Variants in CLDN16 observed in about 807,000 individuals in gnomAD.
CLDN16 encodes the protein claudin-16.
A neutral mutation model predicts 24.6 loss-of-function variants in CLDN16; 13 were observed. The ratio of observed to expected loss-of-function variants is 0.53; its 90% CI spans 0.34 to 0.84. The LOEUF (loss-of-function observed/expected upper bound fraction) is 0.84. CLDN16 is among the 40% of genes least tolerant of loss of function. CLDN16 has a pLI of 0.01. For missense variants in CLDN16, 298 were observed against 292.7 expected, an observed-to-expected ratio of 1.02 and a Z score of -0.13; for synonymous variants, 116 against 106.7, an observed-to-expected ratio of 1.09 and a Z score of -0.54.
At chr3:190,306,881 A>G in the CLDN16 span, 3 of 152,698 alleles carry the variant, frequency 2.0e-5, no homozygotes, top group African/African-American at 7.2e-5. Flanking sequence ...TGGTAGAGAG[A>G]GGAAGGCACT....
intron 1 of CLDN16, among the ~76,000 whole-genome samples, chr3:190,361,664 G>T (rs575012609): frequency 6.6e-6 from 1 of 152,004 alleles, no homozygotes; most frequent in African/African-American, 2.4e-5. Context: ...AGAAAGTGAG[G>T]GCAAAAGAGT....
chr3:190,386,735 T>C (rs11708474), upstream of CLDN16, among the ~76,000 whole-genome samples: 3,445 of 152,314 alleles, frequency 0.023, 51 homozygotes, highest in Middle Eastern at 0.048. Context: ...GTAGACCCTA[T>C]GTATAGAAAT....
the CLDN16 span, among the ~76,000 whole-genome samples, chr3:190,294,918 A>G: frequency 6.6e-6 from 1 of 152,300 alleles, no homozygotes; most frequent in Admixed American, 6.5e-5. Context: ...TGTCTTCTCC[A>G]GTAAACTCAA....
chr3:190,365,792 G>T lies in CLDN16; in HGVS notation n.122-5101G>T, dbSNP rs112357320. On this transcript the variant is annotated intron_variant and non_coding_transcript_variant, in intron 1 of 4. Coordinates refer to the CLDN16 transcript ENST00000468220. ...TAGGTCTGGCAATTTATTCACCATT[G>T]TGTTCCATTCCTCCCCTAGCCGACC... is the stretch of plus-strand genomic sequence containing the variant. Among the ~76,000 whole-genome samples the T allele has an allele frequency of 8.3e-3, 1,266 of 151,624 alleles. 7 individuals carry two copies. The highest frequency in any genetic ancestry group is 0.014 in the Non-Finnish European group (981 of 67,810).
exon 3 of CLDN16, chr3:190,374,578 G>A (rs1448013613): frequency 6.6e-6 from 1 of 151,730 alleles, no homozygotes; most frequent in African/African-American, 2.4e-5. Context: ...TCTTGTGGTT[G>A]GATCTAACAC....
At chr3:190,308,092 A>G in the CLDN16 span, 1 of 660,050 alleles carries the variant, frequency 1.5e-6, no homozygotes, top group Non-Finnish European at 2.6e-6. Context: ...AAAGAAGATA[A>G]AATAAGATTA....
At chr3:190,400,232 G>A (rs1409958212) in intron 1 of CLDN16, among the ~76,000 whole-genome samples, 2 of 151,500 alleles carry the variant, frequency 1.3e-5, no homozygotes, top group Admixed American at 1.3e-4. Context: ...TTTTTACCTC[G>A]AGGTTTTTTT....
chr3:190,409,471 T>C (rs965906217), intron 4 of CLDN16, among the ~76,000 whole-genome samples: 4 of 151,954 alleles, frequency 2.6e-5, no homozygotes, highest in Non-Finnish European at 4.4e-5. Context: ...GTTGTAGTTG[T>C]GAATTTTCTA....
intron 2 of CLDN16, chr3:190,371,083 G>A (rs1718132100): frequency 6.0e-5 from 1 of 16,574 alleles, no homozygotes; most frequent in Non-Finnish European, 1.1e-4. Context: ...AAATATAAAT[G>A]TATAAATATA....
At chr3:190,361,734 CAA>C (rs1403146200) in intron 1 of CLDN16, among the ~76,000 whole-genome samples, 2 of 151,296 alleles carry the variant, frequency 1.3e-5, no homozygotes, top group African/African-American at 4.9e-5. Flanking sequence ...TTTTTTCTAA[CAA>C]AGAGCAGCCT....
At chr3:190,404,993 G>A in intron 3 of CLDN16, 67 bp downstream of exon 3, 2 of 1,492,252 alleles carry the variant, frequency 1.3e-6, no homozygotes, top group Non-Finnish European at 1.9e-6. Flanking sequence ...GTGAAGGAGA[G>A]AGTTGTGCTG....
At chr3:190,291,179 A>G in the CLDN16 span, among the ~76,000 whole-genome samples, 1 of 152,196 alleles carries the variant, frequency 6.6e-6, no homozygotes, top group Non-Finnish European at 1.5e-5. Context: ...TCTGAGGAAG[A>G]GCAAGGGGAT....
intron 1 of CLDN16, among the ~76,000 whole-genome samples, chr3:190,339,285 T>A (rs192657043): frequency 6.6e-6 from 1 of 152,344 alleles, no homozygotes; most frequent in East Asian, 1.9e-4. Context: ...TGGGCCTAAC[T>A]CAATTACATG....
At chr3:190,291,315 A>T in the CLDN16 span, among the ~76,000 whole-genome samples, 1 of 152,210 alleles carries the variant, frequency 6.6e-6, no homozygotes, top group Admixed American at 6.5e-5. Flanking sequence ...ATTAAAAAAG[A>T]GGTTTAATTG....
At chr3:190,365,475 C>A (rs1305124880) in intron 1 of CLDN16, among the ~76,000 whole-genome samples, 3 of 150,034 alleles carry the variant, frequency 2.0e-5, no homozygotes, top group Admixed American at 1.3e-4. Context: ...CTTCTTTACG[C>A]CTTTTGATAC....
intron 1 of CLDN16, among the ~76,000 whole-genome samples, chr3:190,351,348 C>A (rs773830968): frequency 2.0e-5 from 3 of 151,856 alleles, no homozygotes; most frequent in Non-Finnish European, 2.9e-5. Context: ...TTTTTCCCAG[C>A]CTTCTCCAGC....
intron 1 of CLDN16, among the ~76,000 whole-genome samples, chr3:190,350,344 T>TTATATATATATATATATATATA (rs10563626): frequency 0.011 from 1,496 of 141,656 alleles, 23 homozygotes; most frequent in African/African-American, 0.013. Flanking sequence ...GTTCATAATG[T>TTATATATATATATATATATATA]TATATATATA....
At chr3:190,294,180 T>C in the CLDN16 span, among the ~76,000 whole-genome samples, 56 of 152,176 alleles carry the variant, frequency 3.7e-4, 1 homozygote, top group Non-Finnish European at 2.4e-4. Context: ...TTAAAATGCT[T>C]CCTTCTAAAC....
chr3:190,338,555 C>T (rs1560081947), intron 1 of CLDN16, among the ~76,000 whole-genome samples: 1 of 152,170 alleles, frequency 6.6e-6, no homozygotes, highest in Non-Finnish European at 1.5e-5. Flanking sequence ...GGAATCAAGG[C>T]TCTCAGGGAT....
Sources: gnomAD v4.1 joint callset for allele counts (sites outside exome capture counted in the v4.1 genomes callset) on GRCh38, gnomAD v4.1.1 for gene constraint, MANE v1.5 for transcripts, NCBI Gene and HGNC (gene_info 2026-07-23, HGNC 2026-07-21) for gene names.